Variants in RBFOX1 observed in about 807,000 individuals in gnomAD.
RBFOX1 encodes the protein RNA binding fox-1 homolog 1.
Under a neutral mutation model 57.7 loss-of-function variants are expected in RBFOX1, and 8 were observed. The observed-to-expected ratio is 0.14, with a 90% CI of 0.08 to 0.25. RBFOX1 has a LOEUF of 0.25. Among genes scored for constraint, RBFOX1 ranks in the 10% least tolerant of loss-of-function variants. RBFOX1 has a pLI of 1.00. For synonymous variants in RBFOX1, 326 were observed against 222.4 expected, an observed-to-expected ratio of 1.47 and a Z score of -4.15; for missense variants, 611 against 548.5, an observed-to-expected ratio of 1.11 and a Z score of -1.14.
intron 3 of RBFOX1, among the ~76,000 whole-genome samples, chr16:5,625,092 T>G (rs1162715158): frequency 6.6e-6 from 1 of 152,166 alleles, no homozygotes; most frequent in Non-Finnish European, 1.5e-5. Flanking sequence ...CAGAATGCAA[T>G]GAAATGGACC....
At chr16:6,622,072 A>G (rs1278781562) in intron 2 of RBFOX1, among the ~76,000 whole-genome samples, 1 of 152,174 alleles carries the variant, frequency 6.6e-6, no homozygotes, top group Non-Finnish European at 1.5e-5. Context: ...TTTATGTGGA[A>G]AGGGAATATG....
intron 4 of RBFOX1, among the ~76,000 whole-genome samples, chr16:7,209,975 C>T (rs546080316): frequency 1.8e-3 from 273 of 152,278 alleles, no homozygotes; most frequent in African/African-American, 6.4e-3. Flanking sequence ...ATTGATTCAC[C>T]TGTGCTTATT....
intron 4 of RBFOX1, among the ~76,000 whole-genome samples, chr16:7,329,498 G>C (rs747430064): frequency 1.3e-5 from 2 of 152,194 alleles, no homozygotes; most frequent in African/African-American, 4.8e-5. Context: ...GCAATACTAG[G>C]TGCTTCCCAT....
At chr16:6,125,697 G>C (rs2096584617) in intron 1 of RBFOX1, among the ~76,000 whole-genome samples, 1 of 152,142 alleles carries the variant, frequency 6.6e-6, no homozygotes, top group Admixed American at 6.5e-5. Context: ...GTCTAACCTG[G>C]ATTGATGGTT....
At chr16:7,001,279 C>G (rs758775769) in intron 3 of RBFOX1, among the ~76,000 whole-genome samples, 3 of 151,970 alleles carry the variant, frequency 2.0e-5, no homozygotes, top group Admixed American at 6.6e-5. Context: ...TGGAGAGATT[C>G]CTTGCTTTGT....
intron 1 of RBFOX1, among the ~76,000 whole-genome samples, chr16:6,127,679 C>T (rs1327140698): frequency 6.6e-6 from 1 of 152,108 alleles, no homozygotes; most frequent in African/African-American, 2.4e-5. Context: ...TTGTTCACAT[C>T]ATAGATTTAG....
intron 3 of RBFOX1, among the ~76,000 whole-genome samples, chr16:6,682,554 G>A (rs2058814428): frequency 6.6e-6 from 1 of 152,118 alleles, no homozygotes; most frequent in Admixed American, 6.5e-5. Flanking sequence ...ACCGGTGCAT[G>A]CTTTGCTGCG....
intron 3 of RBFOX1, among the ~76,000 whole-genome samples, chr16:6,826,000 A>G (rs1300402753): frequency 6.6e-6 from 1 of 152,092 alleles, no homozygotes; most frequent in African/African-American, 2.4e-5. Context: ...AACCTTCTTT[A>G]CATTTTGGGT....
At chr16:6,284,939 T>C (rs1360003907) in intron 1 of RBFOX1, among the ~76,000 whole-genome samples, 2 of 152,160 alleles carry the variant, frequency 1.3e-5, no homozygotes, top group African/African-American at 4.8e-5. Flanking sequence ...GGCATGTTTC[T>C]TATCCTCTTG....
chr16:5,347,243 G>C (rs1167403672), intron 1 of RBFOX1, among the ~76,000 whole-genome samples: 2 of 152,040 alleles, frequency 1.3e-5, no homozygotes, highest in African/African-American at 4.8e-5. Flanking sequence ...CAGAATATGA[G>C]CTTCTTAGAG....
intron 4 of RBFOX1, among the ~76,000 whole-genome samples, chr16:7,234,703 T>G (rs200887171): frequency 1.2e-4 from 16 of 137,972 alleles, no homozygotes; most frequent in African/African-American, 3.9e-4. Flanking sequence ...ATATATATGT[T>G]ATATATATAA....
At chr16:7,403,729 A>G (rs2148871989) in intron 4 of RBFOX1, among the ~76,000 whole-genome samples, 1 of 152,040 alleles carries the variant, frequency 6.6e-6, no homozygotes, top group East Asian at 1.9e-4. Context: ...TATTTTTAGT[A>G]GAGACAGGGT....
chr16:7,146,791 A>T (rs1327263496), intron 4 of RBFOX1, among the ~76,000 whole-genome samples: 1 of 150,646 alleles, frequency 6.6e-6, no homozygotes, highest in Non-Finnish European at 1.5e-5. Context: ...CTCTAGTAAA[A>T]ATACAAAAAT....
chr16:6,499,798 C>T (rs996853993), intron 2 of RBFOX1, among the ~76,000 whole-genome samples: 1 of 152,080 alleles, frequency 6.6e-6, no homozygotes, highest in Non-Finnish European at 1.5e-5. Flanking sequence ...TCCCAGTCTC[C>T]AGTCATTAGG....
intron 1 of RBFOX1, among the ~76,000 whole-genome samples, chr16:6,251,351 C>T (rs1024825086): frequency 6.6e-6 from 1 of 152,114 alleles, no homozygotes; most frequent in Non-Finnish European, 1.5e-5. Flanking sequence ...TATTATTCTC[C>T]TGTTACAGGA....
chr16:5,522,237 C>G (rs1258103936), intron 2 of RBFOX1, among the ~76,000 whole-genome samples: 1 of 152,160 alleles, frequency 6.6e-6, no homozygotes, highest in African/African-American at 2.4e-5. Flanking sequence ...ATTGCATGGC[C>G]ATGGACAAGT....
intron 2 of RBFOX1, among the ~76,000 whole-genome samples, chr16:6,546,050 G>A (rs2096890410): frequency 6.6e-6 from 1 of 152,168 alleles, no homozygotes; most frequent in African/African-American, 2.4e-5. Context: ...AACAATAGCT[G>A]ATGAACTATT....
intron 1 of RBFOX1, among the ~76,000 whole-genome samples, chr16:6,042,851 A>T (rs1163693212): frequency 6.6e-6 from 1 of 152,170 alleles, no homozygotes; most frequent in Non-Finnish European, 1.5e-5. Context: ...TCATAGTTGG[A>T]TTCAAAGATT....
At chr16:6,634,726 A>AAGATATATTTGTATTAAATATATAACAC (rs2098417399) in intron 2 of RBFOX1, among the ~76,000 whole-genome samples, 4 of 141,306 alleles carry the variant, frequency 2.8e-5, no homozygotes, top group East Asian at 2.0e-4. Context: ...ATATAATACA[A>AAGATATATTTGTATTAAATATATAACAC]AGATATATTT....
Sources: gnomAD v4.1 joint callset for allele counts (sites outside exome capture counted in the v4.1 genomes callset) on GRCh38, gnomAD v4.1.1 for gene constraint, MANE v1.5 for transcripts, NCBI Gene and HGNC (gene_info 2026-07-23, HGNC 2026-07-21) for gene names.